The following RHNO1 variants were observed in gnomAD, a reference collection of about 807,000 sequenced individuals.
RHNO1 encodes the protein RAD9, HUS1, RAD1-interacting nuclear orphan protein 1.
A neutral mutation model predicts 7.2 loss-of-function variants in RHNO1; 9 were observed. The observed-to-expected ratio is 1.25, with a 90% CI of 0.75 to 2.18. RHNO1 has a LOEUF of 2.18. Among genes scored for constraint, RHNO1 ranks in the 30% most tolerant of loss-of-function variants. The pLI, the probability that RHNO1 is intolerant of heterozygous loss-of-function variation, is 0.00. For missense variants in RHNO1, 292 were observed against 284.5 expected, an observed-to-expected ratio of 1.03 and a Z score of -0.19; for synonymous variants, 95 against 107.5, an observed-to-expected ratio of 0.88 and a Z score of 0.72.
chr12:2,877,424 C>T (rs2098148249), intron 1 of RHNO1, 142 bp downstream of exon 1: 1 of 152,246 alleles, frequency 6.6e-6, no homozygotes, highest in Non-Finnish European at 1.5e-5. Flanking sequence ...GCCCGGGTCC[C>T]TGGGCCCGCT....
At chr12:2,883,077 A>AAAAAAACAACAAC (rs2098160305) in intron 1 of RHNO1, among the ~76,000 whole-genome samples, 1 of 150,964 alleles carries the variant, frequency 6.6e-6, no homozygotes, top group African/African-American at 2.4e-5. Context: ...AAAAAAAAAA[A>AAAAAAACAACAAC]AAAAAAAACA....
At chr12:2,887,241 G>T (rs1294747011) in intron 2 of RHNO1, 1 of 241,532 alleles carries the variant, frequency 4.1e-6, no homozygotes, top group Non-Finnish European at 8.7e-6. Flanking sequence ...ACTTTGGAAG[G>T]CCGGGGTGGG....
intron 1 of RHNO1, among the ~76,000 whole-genome samples, chr12:2,879,656 G>A (rs1431921402): frequency 6.6e-6 from 1 of 151,766 alleles, no homozygotes; most frequent in East Asian, 1.9e-4. Flanking sequence ...AATTTGAGGT[G>A]CGTTTGAAAT....
chr12:2,885,178 T>C lies in RHNO1; in HGVS notation c.-84-105T>C, dbSNP rs984497069. 10 of 554,810 alleles carry C rather than the reference T, an allele frequency of 1.8e-5. No homozygotes were observed. The Admixed American group carries it at 2.4e-4, about 14-fold the overall frequency. 34.4% of individuals were successfully genotyped at this position (554,810 alleles called of 1,614,324 possible). On this transcript the variant is annotated intron_variant, in intron 1 of 2. Transcript: ENST00000489288. ...TGGTTGTAGGTATAGGAGGCTGTGC[T>C]CCCCAAAGCCTTGAAGTTTATGGTA...
chr12:2,884,443 C>G (rs578256217), intron 1 of RHNO1, among the ~76,000 whole-genome samples: 6 of 152,286 alleles, frequency 3.9e-5, no homozygotes, highest in Non-Finnish European at 7.4e-5. Flanking sequence ...GCCAGGCTGG[C>G]CTTGAACTCC....
chr12:2,885,931 A>T (rs1205762035), intron 2 of RHNO1: 1 of 148,790 alleles, frequency 6.7e-6, no homozygotes, highest in Non-Finnish European at 1.5e-5. Flanking sequence ...TGCCCGGCCT[A>T]CTTTGACTTT....
chr12:2,885,676 A>G, intron 2 of RHNO1, 142 bp downstream of exon 2: 1 of 665,286 alleles, frequency 1.5e-6, no homozygotes, highest in Non-Finnish European at 2.3e-6. Context: ...CTGGGTTCAC[A>G]CCATTCTCCT....
chr12:2,887,656 G>GA (rs559408329), intron 2 of RHNO1, among the ~76,000 whole-genome samples: 1 of 151,990 alleles, frequency 6.6e-6, no homozygotes, highest in African/African-American at 2.4e-5. Flanking sequence ...CCAGGGGGAA[G>GA]AAAAAAAGTT....
chr12:2,887,432 C>A (rs7975158), intron 2 of RHNO1, among the ~76,000 whole-genome samples: 35 of 148,698 alleles, frequency 2.4e-4, no homozygotes, highest in African/African-American at 6.5e-4. Flanking sequence ...GAGCAGAGAC[C>A]TGCCATTGCA....
At chr12:2,883,512 T>TATATATATATATATATG (rs1491305927) in intron 1 of RHNO1, among the ~76,000 whole-genome samples, 1 of 22,294 alleles carries the variant, frequency 4.5e-5, no homozygotes, top group Non-Finnish European at 7.8e-5. Flanking sequence ...TATATATATA[T>TATATATATATATATATG]TTTTTTTTTT....
chr12:2,878,854 T>A (rs1288912318), intron 1 of RHNO1, among the ~76,000 whole-genome samples: 31 of 151,954 alleles, frequency 2.0e-4, no homozygotes, highest in Admixed American at 2.0e-3. Context: ...CACTATTCCC[T>A]GACCAAGGGC....
Position 2,887,937 on chromosome 12 carries a change from A to C in RHNO1, c.195A>C (p.Ala65=). 6.2e-7 allele frequency: 1 copy of C among 1,602,282 alleles called. No homozygotes were observed. The highest frequency in any genetic ancestry group is 8.5e-7 in the Non-Finnish European group (1 of 1,175,228). The part of the protein sequence containing the change: ...SWVSPDFDTA[A]GSLFPAYQKH... ...TATCACCTGATTTTGATACAGCAGC[A>C]GGAAGCTTGTTCCCAGCCTACCAGA... The change falls in exon 3 of 3, where the codon GCA becomes GCC. Residue 65 remains alanine (A), a synonymous_variant. Transcript: ENST00000489288.
chr12:2,883,499 ATATATATATATATTT>A (rs1385058520), intron 1 of RHNO1, among the ~76,000 whole-genome samples: 5 of 30,972 alleles, frequency 1.6e-4, no homozygotes, highest in Non-Finnish European at 2.5e-4. Context: ...ATATATATAT[ATATATATATATATTT>A]TTTTTTTTTT....
At chr12:2,881,350 G>A (rs1196954249) in intron 1 of RHNO1, among the ~76,000 whole-genome samples, 14 of 151,886 alleles carry the variant, frequency 9.2e-5, no homozygotes, top group Admixed American at 3.9e-4. Flanking sequence ...TAATCTGCCC[G>A]CCTCAGCTCC....
At chr12:2,886,975 C>T in intron 2 of RHNO1, 1 of 455,962 alleles carries the variant, frequency 2.2e-6, no homozygotes, top group South Asian at 1.5e-5. Flanking sequence ...TTCTTTGTTC[C>T]AGGCATTCTG....
chr12:2,881,092 C>A (rs758230452), intron 1 of RHNO1, among the ~76,000 whole-genome samples: 3 of 151,872 alleles, frequency 2.0e-5, no homozygotes, highest in Non-Finnish European at 4.4e-5. Flanking sequence ...CACTGGATTT[C>A]TGTGGTAGCT....
In RHNO1 at chr12:2,888,245, A is replaced by T. The variant is rs1250486631; in HGVS notation, c.503A>T (p.Glu168Val). 3 of 1,614,116 alleles carry T rather than the reference A, an allele frequency of 1.9e-6. No homozygotes were observed. The highest frequency in any genetic ancestry group is 2.5e-6 in the Non-Finnish European group (3 of 1,180,014). The change falls in exon 3 of 3, where the codon GAA becomes GTA. Residue 168 changes from glutamate (E) to valine (V), a missense_variant. By Grantham distance (121) the Glu-to-Val change is moderately radical. Transcript: ENST00000489288. ...QTPESSSVKE[E>V]LIPQDQKENS... is the part of the protein sequence containing the mutation. ...CCAGAGTCATCGTCTGTGAAGGAAG[A>T]ACTCATTCCCCAAGATCAGAAGGAA... is the stretch of plus-strand genomic sequence containing the variant.
Position 2,888,154 on chromosome 12 carries a change from G to A in RHNO1, c.412G>A (p.Gly138Arg). 2 of 1,614,056 alleles carry A rather than the reference G, an allele frequency of 1.2e-6. No individual in the cohort carries two copies. The highest frequency in any genetic ancestry group is 1.7e-4 in the Middle Eastern group (1 of 6,058). The change falls in exon 3 of 3, where the codon GGG (glycine) becomes AGG (arginine). Residue 138 changes from glycine (G) to arginine (R), a missense_variant. Coordinates refer to ENST00000489288, the MANE Select transcript of RHNO1 (RefSeq NM_001252499.3). ...LVPVLSPQSC[G>R]NMSVQALQSL... is the part of the protein sequence containing the mutation. ...TCCAGTGCTCAGTCCCCAAAGCTGT[G>A]GGAACATGTCAGTGCAGGCACTTCA...
chr12:2,882,753 C>T (rs1159834397), intron 1 of RHNO1, among the ~76,000 whole-genome samples: 2 of 151,758 alleles, frequency 1.3e-5, no homozygotes, highest in Non-Finnish European at 2.9e-5. Context: ...GTTGAGTTGA[C>T]TGTTATTTTA....
Sources: allele counts gnomAD v4.1 joint callset (sites outside exome capture counted in the v4.1 genomes callset), GRCh38; gene constraint gnomAD v4.1.1; transcripts MANE v1.5; gene names NCBI Gene and HGNC (gene_info 2026-07-23, HGNC 2026-07-21).